The following SEM1 variants were observed in gnomAD, a reference collection of about 807,000 sequenced individuals.
SEM1 encodes 26S proteasome complex subunit SEM1.
Under a neutral mutation model 12.7 loss-of-function variants are expected in SEM1, and 3 were observed. That is an observed-to-expected ratio of 0.24 (90% confidence interval 0.11 to 0.61). SEM1 has a LOEUF of 0.61. Ranked by LOEUF, SEM1 falls within the 20% of genes least tolerant of loss-of-function variation. The pLI, the probability that SEM1 is intolerant of heterozygous loss-of-function variation, is 0.88. For missense variants in SEM1, 59 were observed against 81.3 expected, an observed-to-expected ratio of 0.73 and a Z score of 1.06; for synonymous variants, 30 against 27.8, an observed-to-expected ratio of 1.08 and a Z score of -0.25.
intron 2 of SEM1, among the ~76,000 whole-genome samples, chr7:96,512,736 A>C (rs933249389): frequency 1.4e-4 from 21 of 152,106 alleles, no homozygotes; most frequent in Non-Finnish European, 4.4e-5. Context: ...TGGGTTTGTG[A>C]TCAAGTGTCA....
chr7:96,569,455 A>C (rs1474184573), intron 2 of SEM1, among the ~76,000 whole-genome samples: 2 of 152,108 alleles, frequency 1.3e-5, no homozygotes, highest in Non-Finnish European at 2.9e-5. Flanking sequence ...TGTGTTTAAA[A>C]AGAAGGTATA....
chr7:96,706,836 G>A (rs985054657), intron 1 of SEM1, among the ~76,000 whole-genome samples: 1 of 152,072 alleles, frequency 6.6e-6, no homozygotes, highest in Non-Finnish European at 1.5e-5. Context: ...TCAACAAAGC[G>A]TTTGAAAGTA....
intron 2 of SEM1, among the ~76,000 whole-genome samples, chr7:96,546,980 C>T (rs564858722): frequency 2.3e-4 from 35 of 152,170 alleles, no homozygotes; most frequent in African/African-American, 8.2e-4. Flanking sequence ...ATATATGTAT[C>T]ACATGGGGAA....
At chr7:96,574,571 A>G (rs1489924183) in intron 2 of SEM1, among the ~76,000 whole-genome samples, 1 of 152,068 alleles carries the variant, frequency 6.6e-6, no homozygotes, top group Non-Finnish European at 1.5e-5. Flanking sequence ...AAGTGTTCCT[A>G]TTTCTCCACA....
intron 2 of SEM1, among the ~76,000 whole-genome samples, chr7:96,602,402 C>A (rs10274117): frequency 0.6 from 91,888 of 151,978 alleles, 29,062 homozygotes; most frequent in East Asian, 0.79. Context: ...GATTTGTATT[C>A]TCCTCCCTGT....
chr7:96,602,719 A>C (rs770726564), intron 2 of SEM1, among the ~76,000 whole-genome samples: 4 of 152,196 alleles, frequency 2.6e-5, no homozygotes, highest in Non-Finnish European at 5.9e-5. Flanking sequence ...TGACTTTCTC[A>C]CCTAGAGAAA....
exon 2 of SEM1, chr7:96,486,315 G>A (rs78670506): frequency 7.0e-5 from 108 of 1,536,962 alleles, no homozygotes; most frequent in Non-Finnish European, 8.8e-5. Flanking sequence ...CCTCTGGCCC[G>A]CTGAGCTGGG....
At chr7:96,680,978 A>G (rs1297892012) in intron 2 of SEM1, among the ~76,000 whole-genome samples, 3 of 152,108 alleles carry the variant, frequency 2.0e-5, no homozygotes, top group Non-Finnish European at 2.9e-5. Flanking sequence ...TAGATACCTT[A>G]GCTTAAATGA....
chr7:96,651,327 C>T (rs1808975655), intron 2 of SEM1, among the ~76,000 whole-genome samples: 2 of 152,004 alleles, frequency 1.3e-5, no homozygotes, highest in Admixed American at 1.3e-4. Flanking sequence ...TCAAAGATAA[C>T]TATTAATACT....
intron 2 of SEM1, among the ~76,000 whole-genome samples, chr7:96,631,668 C>T (rs1270364166): frequency 6.6e-6 from 1 of 152,004 alleles, no homozygotes; most frequent in African/African-American, 2.4e-5. Context: ...AATAAAACAC[C>T]AAAAGCAATG....
chr7:96,616,540 C>G (rs1475756114), intron 2 of SEM1, among the ~76,000 whole-genome samples: 1 of 152,016 alleles, frequency 6.6e-6, no homozygotes, highest in Non-Finnish European at 1.5e-5. Flanking sequence ...TGTGAAGAAG[C>G]TTTTTAGTTT....
At chr7:96,603,772 T>C (rs960614969) in intron 2 of SEM1, among the ~76,000 whole-genome samples, 4 of 152,160 alleles carry the variant, frequency 2.6e-5, no homozygotes, top group African/African-American at 9.7e-5. Flanking sequence ...TTTTTTATCT[T>C]TTCAGTAGTT....
chr7:96,556,419 A>G (rs940935963), intron 2 of SEM1, among the ~76,000 whole-genome samples: 2 of 152,018 alleles, frequency 1.3e-5, no homozygotes, highest in African/African-American at 4.8e-5. Context: ...TTGCTTGTCT[A>G]TAAAGTATTT....
chr7:96,491,887 T>C (rs938547879), intron 1 of SEM1, among the ~76,000 whole-genome samples: 12 of 152,206 alleles, frequency 7.9e-5, no homozygotes, highest in Admixed American at 5.9e-4. Context: ...CTACATGTTA[T>C]TTCTTTTAGT....
intron 2 of SEM1, among the ~76,000 whole-genome samples, chr7:96,524,194 G>A (rs1804372793): frequency 6.6e-6 from 1 of 152,094 alleles, no homozygotes; most frequent in South Asian, 2.1e-4. Flanking sequence ...ATGCCCTGAA[G>A]CATTTCTACA....
At chr7:96,693,850 G>A (rs1790008524) in intron 2 of SEM1, among the ~76,000 whole-genome samples, 1 of 150,542 alleles carries the variant, frequency 6.6e-6, no homozygotes, top group South Asian at 2.1e-4. Context: ...TCAAATATAT[G>A]TACACGTACG....
intron 2 of SEM1, among the ~76,000 whole-genome samples, chr7:96,537,955 G>A (rs62471372): frequency 3.3e-5 from 5 of 151,102 alleles, no homozygotes; most frequent in Admixed American, 2.0e-4. Context: ...ATTTCTTTGG[G>A]GTTCTATTCT....
chr7:96,577,314 A>G (rs1403456885), intron 2 of SEM1, among the ~76,000 whole-genome samples: 1 of 152,188 alleles, frequency 6.6e-6, no homozygotes, highest in Non-Finnish European at 1.5e-5. Context: ...AGAGGATCAA[A>G]GAAGGCAAAG....
chr7:96,551,432 G>A (rs1248687928), intron 2 of SEM1, among the ~76,000 whole-genome samples: 1 of 152,154 alleles, frequency 6.6e-6, no homozygotes, highest in Non-Finnish European at 1.5e-5. Context: ...GGGTGCAGTG[G>A]CTCATACTTG....
Sources: allele counts gnomAD v4.1 joint callset (sites outside exome capture counted in the v4.1 genomes callset), GRCh38; gene constraint gnomAD v4.1.1; transcripts MANE v1.5; gene names NCBI Gene and HGNC (gene_info 2026-07-23, HGNC 2026-07-21).